Variants in NRP2 observed in about 807,000 individuals in gnomAD.
NRP2 encodes the protein neuropilin-2.
In NRP2, 52 loss-of-function variants were observed where a neutral mutation model predicts 110.4. That is an observed-to-expected ratio of 0.47 (90% confidence interval 0.38 to 0.59). NRP2 has a LOEUF of 0.59. NRP2 is among the 20% of genes least tolerant of loss of function. NRP2 has a pLI of 0.00. For synonymous variants in NRP2, 508 were observed against 468.9 expected (o/e 1.08, Z -1.08); for missense variants, 1,049 against 1,203.0 (o/e 0.87, Z 1.89).
At chr2:205,684,774 T>C (rs553661855) in intron 1 of NRP2, among the ~76,000 whole-genome samples, 1 of 152,372 alleles carries the variant, frequency 6.6e-6, no homozygotes, top group African/African-American at 2.4e-5. Flanking sequence ...CCTTGCCTTA[T>C]TTCTAAATTC....
intron 9 of NRP2, 71 bp from the exon 10 acceptor site, chr2:205,745,675 G>C: frequency 6.3e-7 from 1 of 1,587,972 alleles, no homozygotes; most frequent in Admixed American, 1.7e-5. Context: ...AGGAGAAGGG[G>C]AAGGAAAGGG....
intron 5 of NRP2, among the ~76,000 whole-genome samples, chr2:205,724,654 C>CTTTTTTT (rs35094496): frequency 3.7e-5 from 3 of 80,346 alleles, no homozygotes; most frequent in Non-Finnish European, 7.0e-5. Context: ...CAAACGATAA[C>CTTTTTTT]TTTTTTTTTT....
At chr2:205,785,481 G>A (rs1024625952) in intron 15 of NRP2, among the ~76,000 whole-genome samples, 3 of 152,290 alleles carry the variant, frequency 2.0e-5, no homozygotes, top group Middle Eastern at 3.4e-3. Flanking sequence ...AGAGAAGGTA[G>A]CCAACAAAAG....
chr2:205,729,866 A>ATTCTCTC, intron 7 of NRP2, among the ~76,000 whole-genome samples: 1 of 152,140 alleles, frequency 6.6e-6, no homozygotes, highest in East Asian at 1.9e-4. Context: ...TAATGGATAT[A>ATTCTCTC]TTCTCTCTCT....
At chr2:205,697,089 G>A (rs905248231) in intron 1 of NRP2, among the ~76,000 whole-genome samples, 5 of 152,100 alleles carry the variant, frequency 3.3e-5, no homozygotes, top group Non-Finnish European at 2.9e-5. Context: ...AGTTCCCAGA[G>A]CCCTGACTGC....
chr2:205,745,743 C>T lies in NRP2; in HGVS notation c.1642-3C>T. On this transcript the variant is annotated splice_region_variant and splice_polypyrimidine_tract_variant and intron_variant, in intron 9 of 16. Coordinates refer to ENST00000357785, the MANE Select transcript of NRP2 (RefSeq NM_003872.3). ...AAGGGCTGAGTGGCCTCTCTCCCTGCAGCTGTTCGAAGGGAACATGCACTA... is the reference window on the plus strand; with the variant it reads ...AAGGGCTGAGTGGCCTCTCTCCCTGTAGCTGTTCGAAGGGAACATGCACTA... The T allele has an allele frequency of 1.9e-6, 3 of 1,614,124 alleles. No individual in the cohort carries two copies. The highest frequency in any genetic ancestry group is 2.5e-6 in the Non-Finnish European group (3 of 1,179,970).
chr2:205,790,552 T>C (rs1292194953), intron 15 of NRP2, among the ~76,000 whole-genome samples: 1 of 152,138 alleles, frequency 6.6e-6, no homozygotes, highest in African/African-American at 2.4e-5. Context: ...CATATTCTTA[T>C]CCAGTGTTCT....
intron 15 of NRP2, chr2:205,777,144 G>A (rs941172049): frequency 6.6e-5 from 65 of 986,814 alleles, no homozygotes; most frequent in Non-Finnish European, 7.7e-5. Context: ...GAAGCTTTTT[G>A]TTGCCTTATC....
At chr2:205,760,965 T>C (rs1314819858) in intron 12 of NRP2, 1 of 152,206 alleles carries the variant, frequency 6.6e-6, no homozygotes, top group African/African-American at 2.4e-5. Context: ...TTCCTTTATA[T>C]ATGAGGTGGC....
intron 6 of NRP2, among the ~76,000 whole-genome samples, chr2:205,726,335 T>G (rs2057128007): frequency 6.6e-6 from 1 of 152,190 alleles, no homozygotes. Context: ...TTGGCCAGGA[T>G]GCTGTTTGCC....
At chr2:205,794,730 T>C (rs769916893) in intron 16 of NRP2, 24 bp from the exon 17 acceptor site, 2 of 1,613,328 alleles carry the variant, frequency 1.2e-6, no homozygotes, top group Non-Finnish European at 1.7e-6. Flanking sequence ...GCCTGCAATC[T>C]CTCATGAATT....
intron 13 of NRP2, chr2:205,764,343 A>G (rs2057876072): frequency 5.0e-6 from 1 of 199,296 alleles, no homozygotes; most frequent in Non-Finnish European, 1.0e-5. Context: ...CCCAGGCAGC[A>G]AGAACACAGG....
intron 10 of NRP2, among the ~76,000 whole-genome samples, chr2:205,746,136 A>G (rs184783046): frequency 6.6e-6 from 1 of 152,318 alleles, no homozygotes; most frequent in African/African-American, 2.4e-5. Context: ...GAGTCTCTCA[A>G]AAACAAATCA....
At chr2:205,710,033 T>C (rs1404956653) in intron 2 of NRP2, among the ~76,000 whole-genome samples, 1 of 152,262 alleles carries the variant, frequency 6.6e-6, no homozygotes, top group Non-Finnish European at 1.5e-5. Flanking sequence ...TTAATTTTGG[T>C]AAGTCCTTCA....
chr2:205,719,198 C>T (rs545744644), intron 3 of NRP2, among the ~76,000 whole-genome samples: 8 of 152,128 alleles, frequency 5.3e-5, no homozygotes, highest in Middle Eastern at 3.4e-3. Context: ...GAGGAAGAAG[C>T]GGGGGAAACT....
rs1393052272 is a variant in NRP2 at position 205,763,222 on chromosome 2, C to A, written c.2045-452C>A. On this transcript the variant is annotated intron_variant, in intron 12 of 16. Coordinates refer to ENST00000357785, the MANE Select transcript of NRP2 (RefSeq NM_003872.3). This position sits in a 1 kb window ranked among gnomAD's most constrained non-coding sequence, Gnocchi z 4.0. ...AGCATCAACCACCTGGTCATAGTCA[C>A]CCTCCAATCTAGCAGCCCCCCACCC... Among the ~76,000 whole-genome samples, 1 of 152,146 alleles carries A rather than the reference C, an allele frequency of 6.6e-6. No homozygotes were observed. The highest frequency in any genetic ancestry group is 2.4e-5 in the African/African-American group (1 of 41,422).
At chr2:205,713,710 G>T (rs1389560506) in intron 2 of NRP2, among the ~76,000 whole-genome samples, 1 of 152,168 alleles carries the variant, frequency 6.6e-6, no homozygotes, top group Middle Eastern at 3.2e-3. Context: ...TAGCAGGAGA[G>T]TATTCCATTT....
intron 2 of NRP2, chr2:205,697,927 G>A: frequency 1.6e-6 from 1 of 624,184 alleles, no homozygotes; most frequent in Non-Finnish European, 2.9e-6. Context: ...GGTGGAAAGA[G>A]CCTTCTTGAG....
At chr2:205,730,944 C>A (rs181821232) in intron 7 of NRP2, among the ~76,000 whole-genome samples, 1 of 152,350 alleles carries the variant, frequency 6.6e-6, no homozygotes, top group African/African-American at 2.4e-5. Context: ...TGTTCTTGGT[C>A]TCTTCCCATC....
Sources: gnomAD v4.1 joint callset for allele counts (sites outside exome capture counted in the v4.1 genomes callset) on GRCh38, gnomAD v4.1.1 for gene constraint, Gnocchi (gnomAD v3.1) non-coding constraint, MANE v1.5 for transcripts, NCBI Gene and HGNC (gene_info 2026-07-23, HGNC 2026-07-21) for gene names.